The following SREK1IP1 variants were observed in gnomAD, a reference collection of about 807,000 sequenced individuals.
SREK1IP1 encodes SREK1 interacting protein 1.
In SREK1IP1, 12 loss-of-function variants were observed where a neutral mutation model predicts 22.8. That is an observed-to-expected ratio of 0.53 (90% CI 0.34 to 0.85). The LOEUF is 0.85. Among genes scored for constraint, SREK1IP1 ranks in the 40% least tolerant of loss-of-function variants. The probability of loss-of-function intolerance (pLI) is 0.02; values close to 1 mark genes in which losing one functional copy is unlikely to be tolerated. For missense variants in SREK1IP1, 147 were observed against 171.8 expected (o/e 0.86, Z 0.81); for synonymous variants, 53 against 52.7 (o/e 1.01, Z -0.02).
intron 2 of SREK1IP1, among the ~76,000 whole-genome samples, chr5:64,745,349 G>C (rs1371188976): frequency 6.6e-6 from 1 of 152,178 alleles, no homozygotes; most frequent in Non-Finnish European, 1.5e-5. Context: ...CCAGCACTTA[G>C]GGAGGCTGAG....
In SREK1IP1 at chr5:64,740,954, C is replaced by T. The variant is rs906138055; in HGVS notation, c.205+103G>A. ...CCTATTTCCTATGCAGTAGCTCTTA[C>T]ATAAACTATAAAAGAGATCTTAGTA... On this transcript the variant is annotated intron_variant, in intron 3 of 4. Coordinates refer to ENST00000513458, the MANE Select transcript of SREK1IP1 (RefSeq NM_173829.4). 9.2e-6 allele frequency: 10 copies of T among 1,092,318 alleles called. No homozygotes were observed. In the African/African-American group the frequency reaches 1.4e-4, roughly 16 times the overall value. The allele number at this position is 1,092,318 out of a possible 1,614,324, so 67.7% of individuals were successfully genotyped here.
chr5:64,757,841 T>A (rs1246158435), intron 1 of SREK1IP1, among the ~76,000 whole-genome samples: 2 of 151,500 alleles, frequency 1.3e-5, no homozygotes, highest in East Asian at 3.9e-4. Flanking sequence ...ACTGTGCTAC[T>A]GTTTCTATTA....
chr5:64,758,788 A>C (rs1742894984), intron 1 of SREK1IP1, among the ~76,000 whole-genome samples: 1 of 152,242 alleles, frequency 6.6e-6, no homozygotes, highest in African/African-American at 2.4e-5. Flanking sequence ...GAGTAAACAA[A>C]CTATGAAACT....
intron 3 of SREK1IP1, among the ~76,000 whole-genome samples, chr5:64,735,162 GTT>G (rs70983645): frequency 4.0e-5 from 6 of 149,464 alleles, no homozygotes; most frequent in Non-Finnish European, 6.0e-5. Context: ...TTGTGACAAT[GTT>G]TTTTTTTTAG....
At chr5:64,740,962 A>G (rs1446923597) in intron 3 of SREK1IP1, 95 bp downstream of exon 3, 15 of 1,173,674 alleles carry the variant, frequency 1.3e-5, no homozygotes, top group Non-Finnish European at 1.8e-5. Context: ...TACATAAACT[A>G]TAAAAGAGAT....
intron 2 of SREK1IP1, among the ~76,000 whole-genome samples, chr5:64,742,519 T>A (rs1742568321): frequency 6.6e-6 from 1 of 152,216 alleles, no homozygotes; most frequent in Non-Finnish European, 1.5e-5. Context: ...CATTTCACGA[T>A]CCACTAATGA....
At chr5:64,725,000 A>G (rs1324474480) in intron 4 of SREK1IP1, among the ~76,000 whole-genome samples, 1 of 152,200 alleles carries the variant, frequency 6.6e-6, no homozygotes, top group East Asian at 1.9e-4. Flanking sequence ...TTAAAGGGCT[A>G]TAATTGTACG....
chr5:64,764,120 T>C (rs116730534), intron 1 of SREK1IP1, among the ~76,000 whole-genome samples: 9,577 of 147,906 alleles, frequency 0.065, 978 homozygotes, highest in African/African-American at 0.23. Context: ...CTAACACTAA[T>C]AATAGCTGAT....
In SREK1IP1 at chr5:64,743,716, G is replaced by A. The variant is rs560822006; in HGVS notation, c.62-2516C>T. 7.0e-4 allele frequency among the ~76,000 whole-genome samples: 107 copies of A among 152,228 alleles called. 1 individual carries two copies. The highest frequency in any genetic ancestry group is 2.4e-3 in the African/African-American group (100 of 41,544). ...TAACACAGATTTTGCTATATATTTTGAGACATTAGTAAATGCTTTGAAGAT... is the reference window on the plus strand; with the variant it reads ...TAACACAGATTTTGCTATATATTTTAAGACATTAGTAAATGCTTTGAAGAT... On this transcript the variant is annotated intron_variant, in intron 2 of 4. Coordinates refer to ENST00000513458, the MANE Select transcript of SREK1IP1 (RefSeq NM_173829.4).
chr5:64,760,094 C>T (rs563539412), intron 1 of SREK1IP1, among the ~76,000 whole-genome samples: 17 of 152,138 alleles, frequency 1.1e-4, no homozygotes, highest in East Asian at 5.8e-4. Flanking sequence ...AATATCAATA[C>T]GGAACTGGCT....
chr5:64,756,331 C>T (rs1158139649), intron 1 of SREK1IP1, among the ~76,000 whole-genome samples: 2 of 152,180 alleles, frequency 1.3e-5, no homozygotes, highest in Non-Finnish European at 2.9e-5. Context: ...CCTCTTCCCT[C>T]TAGCCCCTAG....
intron 2 of SREK1IP1, among the ~76,000 whole-genome samples, chr5:64,743,184 A>G (rs535641757): frequency 6.6e-6 from 1 of 152,206 alleles, no homozygotes; most frequent in Non-Finnish European, 1.5e-5. Flanking sequence ...CCACATAGAC[A>G]ACACAGGTCC....
chr5:64,742,482 A>T (rs1742567660), intron 2 of SREK1IP1, among the ~76,000 whole-genome samples: 1 of 152,216 alleles, frequency 6.6e-6, no homozygotes, highest in Admixed American at 6.5e-5. Context: ...GTTCAAAACA[A>T]CCAAGGCTAA....
At chr5:64,768,465 T>A (rs1392440967) in intron 1 of SREK1IP1, 40 bp downstream of exon 1, 2 of 1,613,782 alleles carry the variant, frequency 1.2e-6, no homozygotes, top group Non-Finnish European at 8.5e-7. Flanking sequence ...TTGCGCTCCC[T>A]TCGGAGCTCG....
chr5:64,731,602 A>C (rs1362152884), intron 3 of SREK1IP1, among the ~76,000 whole-genome samples: 2 of 152,008 alleles, frequency 1.3e-5, no homozygotes, highest in African/African-American at 4.8e-5. Flanking sequence ...CGACAATAAA[A>C]ATGGGAAGAA....
At chr5:64,731,191 G>C (rs1742372137) in intron 3 of SREK1IP1, among the ~76,000 whole-genome samples, 2 of 152,020 alleles carry the variant, frequency 1.3e-5, no homozygotes, top group African/African-American at 4.8e-5. Flanking sequence ...GATGAGTTAG[G>C]GTGTTGTCAG....
intron 3 of SREK1IP1, among the ~76,000 whole-genome samples, chr5:64,733,311 T>G (rs548255800): frequency 1.3e-5 from 2 of 152,202 alleles, no homozygotes; most frequent in African/African-American, 4.8e-5. Context: ...GTGTCTAGAA[T>G]GGTATAAAGA....
chr5:64,728,853 T>G (rs1341927885), intron 3 of SREK1IP1, among the ~76,000 whole-genome samples: 1 of 152,194 alleles, frequency 6.6e-6, no homozygotes, highest in East Asian at 1.9e-4. Context: ...ATGGAAATCT[T>G]TGTACATATA....
At position 64,723,337 on chromosome 5, in the gene SREK1IP1, AAGAG is replaced by A. The variant is rs1430116047; in HGVS notation, c.*1043_*1046del. 3.9e-5 allele frequency: 6 copies of A among 152,004 alleles called. No individual in the cohort carries two copies. Among genetic ancestry groups the A allele is most frequent in the Admixed American group, 2.6e-4 (4 of 15,286 alleles). The allele number at this position is 152,004 out of a possible 1,614,324, so 9.4% of individuals were successfully genotyped here. A position where few individuals can be genotyped will look rare whatever the true frequency, so the allele number is the denominator to read the frequency against. On this transcript the variant is annotated 3_prime_UTR_variant, in exon 5 of 5. Coordinates refer to ENST00000513458, the MANE Select transcript of SREK1IP1 (RefSeq NM_173829.4). ...ACTCTTGAGTTTGCCACTAAAGTAA[AAGAG>A]AGAAACATCCCAAACTGGTCATTTA...
Sources: gnomAD v4.1 joint callset for allele counts (sites outside exome capture counted in the v4.1 genomes callset) on GRCh38, gnomAD v4.1.1 for gene constraint, MANE v1.5 for transcripts, NCBI Gene and HGNC (gene_info 2026-07-23, HGNC 2026-07-21) for gene names.